SINHCAF: variants seen among roughly 807,000 people sequenced by gnomAD.
SINHCAF encodes the protein SIN3-HDAC complex-associated factor.
Under a neutral mutation model 25.8 loss-of-function variants are expected in SINHCAF, and 3 were observed. That is an observed-to-expected ratio of 0.12 (90% confidence interval 0.05 to 0.30). SINHCAF has a LOEUF of 0.30. Ranked by LOEUF, SINHCAF falls within the 10% of genes least tolerant of loss-of-function variation. The pLI, the probability that SINHCAF is intolerant of heterozygous loss-of-function variation, is 1.00. For missense variants in SINHCAF, 121 were observed against 262.3 expected (o/e 0.46, Z 3.72); for synonymous variants, 70 against 85.5 (o/e 0.82, Z 1.00).
At chr12:31,288,062 T>C (rs1938150374) in intron 4 of SINHCAF, among the ~76,000 whole-genome samples, 2 of 152,192 alleles carry the variant, frequency 1.3e-5, no homozygotes, top group South Asian at 4.2e-4. Context: ...CAAAAGGTGA[T>C]GATCATCTAG....
At chr12:31,301,535 C>A (rs1180493697) in intron 1 of SINHCAF, among the ~76,000 whole-genome samples, 1 of 152,132 alleles carries the variant, frequency 6.6e-6, no homozygotes, top group East Asian at 1.9e-4. Context: ...TAATGGATGA[C>A]AACTTAATAA....
At position 31,303,259 on chromosome 12, in the gene SINHCAF, C is replaced by T. The variant is rs1277693616; in HGVS notation, c.-20-5035G>A. The T allele has an allele frequency of 3.1e-6, 3 of 977,778 alleles. No homozygotes were observed. In the African/African-American group the frequency reaches 5.3e-5, roughly 17 times the overall value. 60.6% of individuals were successfully genotyped at this position (977,778 alleles called of 1,614,324 possible). On this transcript the variant is annotated intron_variant, in intron 1 of 5. Coordinates refer to ENST00000337682, the MANE Select transcript of SINHCAF (RefSeq NM_001135812.2). ...ATTTTCCCCCTTTTGATCAAAATTT[C>T]TCTTTAGAGAACACAAATGATCATA... is the stretch of plus-strand genomic sequence containing the variant.
At chr12:31,302,111 T>C (rs1448310909) in intron 1 of SINHCAF, among the ~76,000 whole-genome samples, 2 of 152,190 alleles carry the variant, frequency 1.3e-5, no homozygotes, top group African/African-American at 2.4e-5. Context: ...AATTGATTAA[T>C]AGTTACAGCT....
chr12:31,290,462 C>T (rs1938264822), intron 4 of SINHCAF, among the ~76,000 whole-genome samples: 1 of 151,986 alleles, frequency 6.6e-6, no homozygotes, highest in Admixed American at 6.6e-5. Flanking sequence ...TTTATATTTA[C>T]AAATATTTAC....
chr12:31,315,162 A>G (rs1939448187), intron 1 of SINHCAF, among the ~76,000 whole-genome samples: 1 of 152,184 alleles, frequency 6.6e-6, no homozygotes, highest in South Asian at 2.1e-4. Context: ...AAACAGGAAA[A>G]TATGTGCGGT....
intron 1 of SINHCAF, among the ~76,000 whole-genome samples, chr12:31,309,668 T>C (rs1227986134): frequency 6.7e-6 from 1 of 150,350 alleles, no homozygotes; most frequent in Non-Finnish European, 1.5e-5. Context: ...CTTGTGATTT[T>C]TTTTTTTTTT....
intron 1 of SINHCAF, among the ~76,000 whole-genome samples, chr12:31,314,939 G>A (rs533225169): frequency 2.0e-5 from 3 of 152,360 alleles, no homozygotes; most frequent in African/African-American, 7.2e-5. Flanking sequence ...ATGTTCTGCA[G>A]TTGCAGGGGA....
At chr12:31,285,259 A>G (rs1055471288) in intron 5 of SINHCAF, among the ~76,000 whole-genome samples, 21 of 152,030 alleles carry the variant, frequency 1.4e-4, no homozygotes, top group African/African-American at 5.1e-4. Context: ...GTGGTGGTGC[A>G]TGCCTGTAAT....
intron 1 of SINHCAF, among the ~76,000 whole-genome samples, chr12:31,311,146 T>A (rs747651299): frequency 2.0e-5 from 3 of 152,146 alleles, no homozygotes; most frequent in Non-Finnish European, 4.4e-5. Context: ...GGCCGTAATC[T>A]ATGATCTTTT....
In SINHCAF at chr12:31,324,362, C is replaced by A. The variant is rs1052891085; in HGVS notation, c.-21+1662G>T. 3 of 161,488 alleles carry A rather than the reference C, an allele frequency of 1.9e-5. No homozygotes were observed. The highest frequency in any genetic ancestry group is 4.0e-5 in the Non-Finnish European group (3 of 75,342). 10.0% of individuals were successfully genotyped at this position (161,488 alleles called of 1,614,324 possible). On this transcript the variant is annotated intron_variant, in intron 1 of 5. Transcript: ENST00000337682. This position sits in a 1 kb window ranked among gnomAD's most constrained non-coding sequence, Gnocchi z 5.5. ...AACCGGCCGAGCAGTCCGGGCCAAG[C>A]TCCCCGGAACCCTCGGCCGTCGCAA...
chr12:31,306,312 G>T (rs1235149109), intron 1 of SINHCAF, among the ~76,000 whole-genome samples: 1 of 152,016 alleles, frequency 6.6e-6, no homozygotes, highest in Non-Finnish European at 1.5e-5. Context: ...TTGGGTAGAT[G>T]GTACACTGTA....
intron 1 of SINHCAF, among the ~76,000 whole-genome samples, chr12:31,322,828 T>TA (rs1231715149): frequency 6.6e-6 from 1 of 152,112 alleles, no homozygotes; most frequent in Non-Finnish European, 1.5e-5. Context: ...AAGCAACAGA[T>TA]ATGGTGGTGG....
rs1490788592 is a variant in SINHCAF, at chr12:31,280,903, CT to C, written c.*1808del. On this transcript the variant is annotated 3_prime_UTR_variant, in exon 6 of 6. Transcript: ENST00000337682. ...ACTCAGGAGGATGATAATGGCTGGA[CT>C]TTTGTAATTCACCTCAAAGACTGTG... is the stretch of plus-strand genomic sequence containing the variant. The C allele has an allele frequency of 6.6e-6, 1 of 152,158 alleles. No individual in the cohort carries two copies. Among genetic ancestry groups the C allele is most frequent in the Non-Finnish European group, 1.5e-5 (1 of 68,040 alleles). The allele number at this position is 152,158 out of a possible 1,614,324, so 9.4% of individuals were successfully genotyped here.
At chr12:31,287,927 T>G (rs1938145696) in intron 4 of SINHCAF, 143 bp from the exon 5 acceptor site, 1 of 525,422 alleles carries the variant, frequency 1.9e-6, no homozygotes, top group Non-Finnish European at 3.2e-6. Context: ...CTACTGATAT[T>G]TGAAGATATT....
At chr12:31,308,539 T>C (rs1335076748) in intron 1 of SINHCAF, among the ~76,000 whole-genome samples, 2 of 152,148 alleles carry the variant, frequency 1.3e-5, no homozygotes, top group Non-Finnish European at 2.9e-5. Flanking sequence ...TTACCCTTAA[T>C]GTAATGGTCA....
At chr12:31,304,382 T>G (rs1938941072) in intron 1 of SINHCAF, 1 of 152,158 alleles carries the variant, frequency 6.6e-6, no homozygotes, top group Non-Finnish European at 1.5e-5. Flanking sequence ...CTGCTTTGCT[T>G]TTTCTCCTTT....
intron 4 of SINHCAF, among the ~76,000 whole-genome samples, chr12:31,288,038 C>A (rs997732254): frequency 3.3e-5 from 5 of 152,012 alleles, no homozygotes; most frequent in African/African-American, 1.2e-4. Context: ...ATATATAAAA[C>A]AAACCTGAGA....
intron 2 of SINHCAF, among the ~76,000 whole-genome samples, chr12:31,296,499 C>A (rs1938557296): frequency 6.6e-6 from 1 of 151,962 alleles, no homozygotes; most frequent in Non-Finnish European, 1.5e-5. Context: ...AAAATGCTAA[C>A]CTTTGGCAAG....
chr12:31,285,522 TTAC>T (rs149475670), intron 5 of SINHCAF, among the ~76,000 whole-genome samples: 1,753 of 152,170 alleles, frequency 0.012, 16 homozygotes, highest in East Asian at 0.037. Context: ...TTTTGATATT[TTAC>T]TACATTATTT....
Sources: gnomAD v4.1 joint callset for allele counts (sites outside exome capture counted in the v4.1 genomes callset) on GRCh38, gnomAD v4.1.1 for gene constraint, Gnocchi (gnomAD v3.1) non-coding constraint, MANE v1.5 for transcripts, NCBI Gene and HGNC (gene_info 2026-07-23, HGNC 2026-07-21) for gene names.